Variants in C11orf54 observed in about 807,000 individuals in gnomAD.
C11orf54 encodes beta-keto L-gulonate decarboxylase.
C11orf54 carries 29 observed loss-of-function variants against 35.5 expected under a neutral mutation model. The ratio of observed to expected loss-of-function variants is 0.82; its 90% confidence interval spans 0.61 to 1.11. The LOEUF (loss-of-function observed/expected upper bound fraction) is 1.11. C11orf54 is among the 50% of genes most tolerant of loss of function. The pLI is 0.00. For missense variants in C11orf54, 373 were observed against 369.2 expected, an observed-to-expected ratio of 1.01 and a Z score of -0.08; for synonymous variants, 108 against 121.1, an observed-to-expected ratio of 0.89 and a Z score of 0.71.
At chr11:93,759,507 A>G (rs907214823) in intron 7 of C11orf54, among the ~76,000 whole-genome samples, 2 of 152,062 alleles carry the variant, frequency 1.3e-5, no homozygotes, top group East Asian at 3.9e-4. Context: ...GGAGTGGGGG[A>G]CTAGGGGAGG....
rs1943544531 is a variant in C11orf54 at position 93,763,063 on chromosome 11, GAATA to G, written c.*1378_*1381del. ...AAGCACTATTTTGATGCAAAAAAAT[GAATA>G]AAAAATTTAATTTATGATATGTTTG... On this transcript the variant is annotated 3_prime_UTR_variant, in exon 9 of 9. Coordinates refer to ENST00000354421, the MANE Select transcript of C11orf54 (RefSeq NM_001286069.2). The G allele has an allele frequency of 6.6e-6, 1 of 152,084 alleles. No individual in the cohort carries two copies. Among genetic ancestry groups the G allele is most frequent in the South Asian group, 2.1e-4 (1 of 4,818 alleles). The allele number at this position is 152,084 out of a possible 1,614,324, so 9.4% of individuals were successfully genotyped here.
At position 93,753,873 on chromosome 11, in the gene C11orf54, A is replaced by G. The variant is rs753457044; in HGVS notation, c.229-63A>G. 7 of 1,560,898 alleles carry G rather than the reference A, an allele frequency of 4.5e-6. No homozygotes were observed. The Admixed American group carries it at 5.1e-5, about 11-fold the overall frequency. The stretch of plus-strand genomic sequence containing the variant: ...AAGGAAGTGCTAATGGATCAGTAAT[A>G]AAAGGTAAACCAGGGACTTTGTACA... On this transcript the variant is annotated intron_variant, in intron 4 of 8. Transcript: ENST00000354421.
intron 6 of C11orf54, among the ~76,000 whole-genome samples, chr11:93,757,080 A>G (rs1485450067): frequency 6.6e-6 from 1 of 152,126 alleles, no homozygotes; most frequent in East Asian, 1.9e-4. Context: ...AGTTCAAGAA[A>G]GCATGCTTAA....
chr11:93,756,090 C>T (rs1271034188), intron 6 of C11orf54, among the ~76,000 whole-genome samples: 2 of 135,810 alleles, frequency 1.5e-5, no homozygotes, highest in Non-Finnish European at 3.0e-5. Context: ...TTGCTTGAAC[C>T]TGGGAGACAG....
At chr11:93,742,929 TA>T (rs1233055871) in intron 1 of C11orf54, 1 of 152,236 alleles carries the variant, frequency 6.6e-6, no homozygotes, top group East Asian at 1.9e-4. Flanking sequence ...AAAGTGCTAT[TA>T]AAGGGAAGGA....
intron 1 of C11orf54, chr11:93,746,084 G>A (rs559466649): frequency 8.5e-5 from 13 of 152,316 alleles, no homozygotes; most frequent in African/African-American, 2.6e-4. Context: ...AAGTACTAAA[G>A]TAAATATAAC....
intron 2 of C11orf54, 103 bp downstream of exon 2, chr11:93,747,551 A>ATCTTACT: frequency 4.6e-6 from 3 of 658,816 alleles, no homozygotes; most frequent in East Asian, 3.3e-5. Context: ...ATGTATATCT[A>ATCTTACT]TATCTTACTT....
intron 8 of C11orf54, among the ~76,000 whole-genome samples, chr11:93,760,247 GTGT>G (rs1275643550): frequency 3.3e-5 from 5 of 152,210 alleles, no homozygotes; most frequent in South Asian, 2.1e-4. Context: ...GCCCGGCCAT[GTGT>G]TGTTGTTATT....
At chr11:93,760,291 T>C (rs1056165247) in intron 8 of C11orf54, among the ~76,000 whole-genome samples, 2 of 152,168 alleles carry the variant, frequency 1.3e-5, no homozygotes, top group Admixed American at 1.3e-4. Context: ...AGAATTATTT[T>C]GGAAGATAAG....
At chr11:93,756,703 G>A (rs1202365104) in intron 6 of C11orf54, among the ~76,000 whole-genome samples, 1 of 152,132 alleles carries the variant, frequency 6.6e-6, no homozygotes, top group East Asian at 1.9e-4. Context: ...AAAACTTACA[G>A]CAAGAACAAA....
intron 3 of C11orf54, among the ~76,000 whole-genome samples, chr11:93,752,099 G>A (rs925916512): frequency 6.6e-6 from 1 of 151,716 alleles, no homozygotes; most frequent in African/African-American, 2.4e-5. Context: ...TGCCCGCCTC[G>A]GCCTCCCAAA....
At chr11:93,759,554 G>T (rs754990185) in intron 7 of C11orf54, among the ~76,000 whole-genome samples, 188 bp from the exon 8 acceptor site, 1 of 152,114 alleles carries the variant, frequency 6.6e-6, no homozygotes, top group Non-Finnish European at 1.5e-5. Flanking sequence ...TAGGTGACAG[G>T]TTGATGGGTG....
At chr11:93,758,590 G>A (rs1943289662) in intron 7 of C11orf54, among the ~76,000 whole-genome samples, 2 of 152,258 alleles carry the variant, frequency 1.3e-5, no homozygotes, top group Admixed American at 1.3e-4. Flanking sequence ...CGATCCAGGA[G>A]CAAAGTCAGG....
rs1198583804 is a variant in C11orf54, at chr11:93,751,846, G to A, written c.154+1402G>A. Among the ~76,000 whole-genome samples the A allele has an allele frequency of 1.7e-4, 16 of 95,404 alleles. No individual in the cohort carries two copies. The Admixed American group carries it at 2.2e-3, about 13-fold the overall frequency. 62.6% of individuals were successfully genotyped at this position (95,404 alleles called of 152,430 possible). On this transcript the variant is annotated intron_variant, in intron 3 of 8. Coordinates refer to ENST00000354421, the MANE Select transcript of C11orf54 (RefSeq NM_001286069.2). The stretch of plus-strand genomic sequence containing the variant: ...TTTTTTTTTTTTTTTTTTTTTTTGT[G>A]TGTGTGTGTGTGAGATGGAATCTCG...
chr11:93,742,173 G>A (rs1368068930), intron 1 of C11orf54: 1 of 152,796 alleles, frequency 6.5e-6, no homozygotes, highest in East Asian at 1.9e-4. Context: ...TTTTTCCTAA[G>A]TTTCCTCCTA....
At chr11:93,756,167 CA>C (rs1210508995) in intron 6 of C11orf54, among the ~76,000 whole-genome samples, 877 of 26,996 alleles carry the variant, frequency 0.032, 4 homozygotes, top group African/African-American at 0.085. Context: ...ACTCTGTCTC[CA>C]AAAAAAAAAA....
intron 8 of C11orf54, among the ~76,000 whole-genome samples, chr11:93,760,110 CT>C (rs1943378865): frequency 6.6e-6 from 1 of 152,142 alleles, no homozygotes; most frequent in Admixed American, 6.5e-5. Flanking sequence ...CCATGCCTGG[CT>C]AATTTTTGTA....
intron 4 of C11orf54, 59 bp from the exon 5 acceptor site, chr11:93,753,877 G>A: frequency 6.4e-7 from 1 of 1,564,828 alleles, no homozygotes; most frequent in Non-Finnish European, 8.8e-7. Context: ...AGTAATAAAA[G>A]GTAAACCAGG....
chr11:93,759,038 G>A (rs531347702), intron 7 of C11orf54, among the ~76,000 whole-genome samples: 4 of 152,298 alleles, frequency 2.6e-5, no homozygotes, highest in Admixed American at 6.5e-5. Context: ...TGGAAAAATA[G>A]GAATGCTTTT....
Sources: allele counts gnomAD v4.1 joint callset (sites outside exome capture counted in the v4.1 genomes callset), GRCh38; gene constraint gnomAD v4.1.1; transcripts MANE v1.5; gene names NCBI Gene and HGNC (gene_info 2026-07-23, HGNC 2026-07-21).